Variants in OR1L8 observed in about 807,000 individuals in gnomAD.
OR1L8 encodes olfactory receptor family 1 subfamily L member 8.
For missense variants in OR1L8, 330 were observed against 377.4 expected (o/e 0.87, Z 1.04); for synonymous variants, 148 against 147.0 (o/e 1.01, Z -0.05).
downstream of OR1L8, among the ~76,000 whole-genome samples, chr9:122,562,530 G>T (rs113320926): frequency 8.6e-3 from 1,309 of 152,256 alleles, 17 homozygotes; most frequent in African/African-American, 0.03. Flanking sequence ...TGGGTAGCAC[G>T]CTCACTCACC....
At chr9:122,575,910 G>A (rs1479889581) in intron 3 of OR1L8, among the ~76,000 whole-genome samples, 1 of 152,040 alleles carries the variant, frequency 6.6e-6, no homozygotes, top group East Asian at 1.9e-4. Flanking sequence ...CCCCCTACCT[G>A]TAGTAACTAT....
At chr9:122,560,385 T>A in the OR1L8 span, among the ~76,000 whole-genome samples, 1 of 152,310 alleles carries the variant, frequency 6.6e-6, no homozygotes, top group Middle Eastern at 3.4e-3. Flanking sequence ...TGCTAGCTGG[T>A]TATTTTGCAC....
At chr9:122,577,907 A>G (rs999978866) in intron 2 of OR1L8, among the ~76,000 whole-genome samples, 1 of 152,198 alleles carries the variant, frequency 6.6e-6, no homozygotes, top group African/African-American at 2.4e-5. Context: ...GAAATTCAAT[A>G]TGTGGTTAAT....
rs796203995 is a variant in OR1L8, at chr9:122,567,834, A to G, written c.644T>C (p.Ile215Thr). The G allele has an allele frequency of 6.2e-7, 1 of 1,614,118 alleles. No homozygotes were observed. The highest frequency in any genetic ancestry group is 8.5e-7 in the Non-Finnish European group (1 of 1,179,990). ...GAGGATTCGTATATAAGAGAAAGCAATGCAGAGAAAACGAGTCACCAAAAC... is the reference window on the plus strand; with the variant it reads ...GAGGATTCGTATATAAGAGAAAGCAGTGCAGAGAAAACGAGTCACCAAAAC... ...PIVLVTRFLC[I>T]AFSYIRILTT... The change falls in exon 5 of 5, where the codon ATT becomes ACT. Residue 215 changes from isoleucine to threonine, a missense_variant. Transcript: ENST00000641027.
At position 122,572,853 on chromosome 9, in the gene OR1L8, A is replaced by G. The variant is rs1829578116; in HGVS notation, c.-286T>C. 6.6e-6 allele frequency: 1 copy of G among 152,038 alleles called. No individual in the cohort carries two copies. The highest frequency in any genetic ancestry group is 2.4e-5 in the African/African-American group (1 of 41,388). The allele number at this position is 152,038 out of a possible 1,614,324, so 9.4% of individuals were successfully genotyped here. ...ATCTTCTGCACATCTGTGATTTCCAACTCTGCTTCTTAGCCAAAGCTCAGC... is the reference window on the plus strand; with the variant it reads ...ATCTTCTGCACATCTGTGATTTCCAGCTCTGCTTCTTAGCCAAAGCTCAGC... On this transcript the variant is annotated 5_prime_UTR_variant, in exon 4 of 5. Transcript: ENST00000641027.
At chr9:122,569,657 T>G (rs1829503693) in intron 4 of OR1L8, among the ~76,000 whole-genome samples, 1 of 143,644 alleles carries the variant, frequency 7.0e-6, no homozygotes, top group Non-Finnish European at 1.5e-5. Flanking sequence ...TTGAAACAAC[T>G]TCATTTTATT....
chr9:122,548,641 C>A, the OR1L8 span, among the ~76,000 whole-genome samples: 1 of 151,494 alleles, frequency 6.6e-6, no homozygotes, highest in Admixed American at 6.6e-5. Flanking sequence ...GTGTGCACAA[C>A]GTGCAGGTTT....
intron 3 of OR1L8, among the ~76,000 whole-genome samples, chr9:122,575,500 A>T (rs1374077467): frequency 6.6e-6 from 1 of 151,950 alleles, no homozygotes; most frequent in Non-Finnish European, 1.5e-5. Flanking sequence ...TGTTCATAGT[A>T]TTTCTTTATT....
the OR1L8 span, among the ~76,000 whole-genome samples, chr9:122,558,240 G>A: frequency 0.33 from 40,355 of 121,474 alleles, 5,686 homozygotes; most frequent in Middle Eastern, 0.42. Flanking sequence ...AATTTTTATT[G>A]TTTTTTTCTT....
At chr9:122,578,176 T>G (rs1302790506) in intron 2 of OR1L8, 148 bp downstream of exon 2, 1 of 152,120 alleles carries the variant, frequency 6.6e-6, no homozygotes, top group East Asian at 1.9e-4. Flanking sequence ...CAAGGCTGAG[T>G]GCAGTGGCTC....
At position 122,580,125 on chromosome 9, in the gene OR1L8, T is replaced by A. The variant is rs532613979; in HGVS notation, c.-599-1680A>T. Among the ~76,000 whole-genome samples, 3 of 152,188 alleles carry A rather than the reference T, an allele frequency of 2.0e-5. No homozygotes were observed. The South Asian group carries it at 6.2e-4, about 32-fold the overall frequency. On this transcript the variant is annotated intron_variant, in intron 1 of 4. Transcript: ENST00000641027. ...CTGCCGCTCCTAAAGCAAATGCCTG[T>A]CAGCAATAATGTACCTAGTAACTGG...
At chr9:122,562,419 T>C (rs548696369), downstream of OR1L8, among the ~76,000 whole-genome samples, 1 of 152,316 alleles carries the variant, frequency 6.6e-6, no homozygotes, top group African/African-American at 2.4e-5. Context: ...TCTGCGTAGC[T>C]CTGTTGTTGG....
downstream of OR1L8, among the ~76,000 whole-genome samples, chr9:122,563,596 C>G (rs571198198): frequency 6.6e-6 from 1 of 152,200 alleles, no homozygotes; most frequent in Non-Finnish European, 1.5e-5. Flanking sequence ...TCCTCTGCTG[C>G]GCAGATGCAA....
chr9:122,553,416 C>G, the OR1L8 span: 21 of 1,614,200 alleles, frequency 1.3e-5, no homozygotes, highest in Non-Finnish European at 1.8e-5. Context: ...TCTGGCCAAC[C>G]TGTCATTAAC....
intron 1 of OR1L8, among the ~76,000 whole-genome samples, chr9:122,579,708 TAA>T (rs1464372905): frequency 6.6e-6 from 1 of 152,220 alleles, no homozygotes; most frequent in Non-Finnish European, 1.5e-5. Context: ...ATTTCAGGAT[TAA>T]GTCTACATTT....
At chr9:122,563,231 G>T (rs978484320), downstream of OR1L8, among the ~76,000 whole-genome samples, 1 of 151,636 alleles carries the variant, frequency 6.6e-6, no homozygotes, top group South Asian at 2.1e-4. Flanking sequence ...CTGGGATGAG[G>T]TGATATCTCA....
chr9:122,554,474 G>A, the OR1L8 span, among the ~76,000 whole-genome samples: 42,037 of 151,930 alleles, frequency 0.28, 6,745 homozygotes, highest in East Asian at 0.81. Context: ...CTCTGGAGCT[G>A]AGCAATTCTA....
rs151069080 is a variant in OR1L8 at position 122,568,308 on chromosome 9, T to C, written c.170A>G (p.Gln57Arg). The change falls in exon 5 of 5, where the codon CAG becomes CGG. Residue 57 changes from glutamine (Q) to arginine (R), a missense_variant. Coordinates refer to ENST00000641027, the MANE Select transcript of OR1L8 (RefSeq NM_001004454.2). ...ACTCAAGAAGAAATACATAGGGGTC[T>C]GAAGATGGGGGTTGAAGCGAATGGC... ...ILAIRFNPHLQTPMYFFLSFL... is the reference protein window; with the variant it reads ...ILAIRFNPHLRTPMYFFLSFL... The C allele has an allele frequency of 2.9e-5, 46 of 1,614,008 alleles. No individual in the cohort carries two copies. Among genetic ancestry groups the C allele is most frequent in the Non-Finnish European group, 3.6e-5 (42 of 1,180,010 alleles).
chr9:122,579,201 A>T (rs905998622), intron 1 of OR1L8, among the ~76,000 whole-genome samples: 26 of 152,034 alleles, frequency 1.7e-4, no homozygotes, highest in African/African-American at 5.8e-4. Flanking sequence ...GTGTGGACTA[A>T]TTATTTGATA....
Sources: allele counts gnomAD v4.1 joint callset (sites outside exome capture counted in the v4.1 genomes callset), GRCh38; gene constraint gnomAD v4.1.1; transcripts MANE v1.5; gene names NCBI Gene and HGNC (gene_info 2026-07-23, HGNC 2026-07-21).